CACNB4: variants seen among roughly 807,000 people sequenced by gnomAD.
CACNB4 encodes the protein calcium voltage-gated channel auxiliary subunit beta 4, also known as voltage-dependent L-type calcium channel subunit beta-4.
A neutral mutation model predicts 71.2 loss-of-function variants in CACNB4; 32 were observed. The observed-to-expected ratio is 0.45, with a 90% CI of 0.34 to 0.60. The LOEUF (loss-of-function observed/expected upper bound fraction) is 0.60. Ranked by LOEUF, CACNB4 falls within the 20% of genes least tolerant of loss-of-function variation. The pLI is 0.01. For synonymous variants in CACNB4, 231 were observed against 236.9 expected (o/e 0.97, Z 0.23); for missense variants, 464 against 647.9 (o/e 0.72, Z 3.08).
intron 2 of CACNB4, among the ~76,000 whole-genome samples, chr2:152,067,460 C>T (rs1481339487): frequency 6.6e-6 from 1 of 152,086 alleles, no homozygotes; most frequent in South Asian, 2.1e-4. Flanking sequence ...ATCCTCCCAC[C>T]TCAGCTTCCC....
Position 151,943,792 on chromosome 2 carries a change from T to C in CACNB4, c.148-60422A>G, listed in dbSNP as rs2099864857. Reference sequence around the variant, plus strand: ...TGCATCATTTGGAGAAGACAACACATGATAGCCTTATGCAAATATTCAGAG... The same window carrying C: ...TGCATCATTTGGAGAAGACAACACACGATAGCCTTATGCAAATATTCAGAG... On this transcript the variant is annotated intron_variant, in intron 2 of 13. Transcript: ENST00000539935. Among the ~76,000 whole-genome samples the C allele has an allele frequency of 2.0e-5, 3 of 152,144 alleles. No homozygotes were observed. The South Asian group carries it at 6.2e-4, about 31-fold the overall frequency.
chr2:151,923,696 G>T (rs1026687598), intron 2 of CACNB4, among the ~76,000 whole-genome samples: 3 of 152,210 alleles, frequency 2.0e-5, no homozygotes, highest in African/African-American at 7.2e-5. Flanking sequence ...TTTACAAAAT[G>T]CAAGAAGAAC....
intron 2 of CACNB4, among the ~76,000 whole-genome samples, chr2:152,068,882 T>A (rs1020811140): frequency 1.3e-5 from 2 of 152,200 alleles, no homozygotes; most frequent in Admixed American, 6.5e-5. Context: ...AGTTGGTCCC[T>A]TTGGGAACCA....
At chr2:152,064,698 A>C (rs2105345969) in intron 2 of CACNB4, among the ~76,000 whole-genome samples, 1 of 152,364 alleles carries the variant, frequency 6.6e-6, no homozygotes, top group East Asian at 1.9e-4. Flanking sequence ...ATGTACTTTA[A>C]AGTAGTACAT....
intron 2 of CACNB4, among the ~76,000 whole-genome samples, chr2:151,997,375 A>T (rs1420172432): frequency 6.6e-6 from 1 of 152,166 alleles, no homozygotes; most frequent in Non-Finnish European, 1.5e-5. Context: ...TCTACTAAAA[A>T]TACAAAAAAT....
intron 2 of CACNB4, among the ~76,000 whole-genome samples, chr2:152,091,883 T>C (rs945649873): frequency 1.3e-5 from 2 of 152,228 alleles, no homozygotes; most frequent in African/African-American, 4.8e-5. Context: ...CCATCCATGA[T>C]AGAATTGGGA....
chr2:151,976,066 G>A (rs1254777244), intron 2 of CACNB4, among the ~76,000 whole-genome samples: 2 of 152,304 alleles, frequency 1.3e-5, no homozygotes, highest in South Asian at 2.1e-4. Context: ...CGCACTTTAC[G>A]GTACCCTAAT....
chr2:152,076,136 C>CTTTTTTTTTTTT (rs35400714), intron 2 of CACNB4, among the ~76,000 whole-genome samples: 2 of 71,202 alleles, frequency 2.8e-5, no homozygotes, highest in African/African-American at 5.5e-5. Context: ...CACCTCTTTT[C>CTTTTTTTTTTTT]TTTTTTTTTT....
chr2:151,908,088 AAG>A, intron 2 of CACNB4, among the ~76,000 whole-genome samples: 1 of 152,342 alleles, frequency 6.6e-6, no homozygotes, highest in African/African-American at 2.4e-5. Flanking sequence ...TGAGGATGGT[AAG>A]AGTCTCTGCT....
rs531052264 is a variant in CACNB4, at chr2:151,861,328, G to A, written c.759-508C>T. Reference sequence around the variant, plus strand: ...GTCTGTGGCTAAGCTGCATTCTTTTGTGATACACACGTGATTCTCCACAGG... The same window carrying A: ...GTCTGTGGCTAAGCTGCATTCTTTTATGATACACACGTGATTCTCCACAGG... On this transcript the variant is annotated intron_variant, in intron 9 of 13. Coordinates refer to ENST00000539935, the MANE Select transcript of CACNB4 (RefSeq NM_000726.5). 1.0e-3 allele frequency: 154 copies of A among 153,766 alleles called. 2 individuals are homozygous for A. In the South Asian group the frequency reaches 0.027, roughly 27 times the overall value. The allele number at this position is 153,766 out of a possible 1,614,324, so 9.5% of individuals were successfully genotyped here.
rs952641909 is a variant in CACNB4, at chr2:151,991,308, C to T, written c.147+107022G>A. Among the ~76,000 whole-genome samples, 11 of 152,330 alleles carry T rather than the reference C, an allele frequency of 7.2e-5. No individual in the cohort carries two copies. In the South Asian group the frequency reaches 1.9e-3, roughly 26 times the overall value. ...CAATTTAGTTCTTATTAATCAATAACATTTAATCCAAAATCCAAATTCTGG... is the reference window on the plus strand; with the variant it reads ...CAATTTAGTTCTTATTAATCAATAATATTTAATCCAAAATCCAAATTCTGG... On this transcript the variant is annotated intron_variant, in intron 2 of 13. Coordinates refer to ENST00000539935, the MANE Select transcript of CACNB4 (RefSeq NM_000726.5).
intron 13 of CACNB4, among the ~76,000 whole-genome samples, chr2:151,839,844 TA>T (rs2099835721): frequency 6.6e-6 from 1 of 152,218 alleles, no homozygotes. Flanking sequence ...TTATACCTTT[TA>T]AAAACATTTT....
At chr2:151,908,479 C>G (rs186897560) in intron 2 of CACNB4, among the ~76,000 whole-genome samples, 1 of 152,244 alleles carries the variant, frequency 6.6e-6, no homozygotes, top group Non-Finnish European at 1.5e-5. Context: ...AAGGTACCTT[C>G]CTGGCATTGT....
intron 2 of CACNB4, among the ~76,000 whole-genome samples, chr2:152,053,906 G>T (rs1685582450): frequency 6.6e-6 from 1 of 152,136 alleles, no homozygotes; most frequent in Non-Finnish European, 1.5e-5. Flanking sequence ...TCTATTACTT[G>T]CGATTGGCAT....
intron 2 of CACNB4, among the ~76,000 whole-genome samples, chr2:152,065,461 T>A (rs1319180085): frequency 6.6e-6 from 1 of 151,550 alleles, no homozygotes; most frequent in Non-Finnish European, 1.5e-5. Context: ...CTTGGTTAGA[T>A]CTGCTAAAGT....
intron 2 of CACNB4, chr2:151,971,480 C>T (rs1338436903): frequency 1.7e-5 from 12 of 702,434 alleles, no homozygotes; most frequent in Non-Finnish European, 2.9e-5. Flanking sequence ...AAAAGCCTTT[C>T]CACGCCTATC....
intron 2 of CACNB4, among the ~76,000 whole-genome samples, chr2:152,058,881 C>G (rs947014738): frequency 3.9e-5 from 6 of 152,242 alleles, no homozygotes; most frequent in African/African-American, 1.4e-4. Flanking sequence ...CAGGATCCCC[C>G]CTGCTGTATG....
chr2:151,927,347 G>A (rs1251154968), intron 2 of CACNB4, among the ~76,000 whole-genome samples: 2 of 152,156 alleles, frequency 1.3e-5, no homozygotes, highest in African/African-American at 2.4e-5. Flanking sequence ...GGAGAGGCTG[G>A]GCTAAGATAG....
chr2:152,031,501 G>A (rs1291642104), intron 2 of CACNB4, among the ~76,000 whole-genome samples: 2 of 152,192 alleles, frequency 1.3e-5, no homozygotes, highest in Non-Finnish European at 2.9e-5. Flanking sequence ...CGGGTGCTGT[G>A]TTATCTGTAC....
Sources: allele counts gnomAD v4.1 joint callset (sites outside exome capture counted in the v4.1 genomes callset), GRCh38; gene constraint gnomAD v4.1.1; transcripts MANE v1.5; gene names NCBI Gene and HGNC (gene_info 2026-07-23, HGNC 2026-07-21).